SYNE1: variants seen among roughly 807,000 people sequenced by gnomAD.
SYNE1 encodes the protein spectrin repeat containing nuclear envelope protein 1, also known as nesprin-1.
Under a neutral mutation model 1,111.0 loss-of-function variants are expected in SYNE1, and 616 were observed. The ratio of observed to expected loss-of-function variants is 0.55; its 90% CI spans 0.52 to 0.59. The LOEUF (loss-of-function observed/expected upper bound fraction) is 0.59. Among genes scored for constraint, SYNE1 ranks in the 20% least tolerant of loss-of-function variants. SYNE1 has a pLI of 0.00. For synonymous variants in SYNE1, 3,855 were observed against 3,825.8 expected, an observed-to-expected ratio of 1.01 and a Z score of -0.28; for missense variants, 10,006 against 10,417.0, an observed-to-expected ratio of 0.96 and a Z score of 1.72.
At chr6:152,272,375 T>C (rs1452653703) in intron 98 of SYNE1, among the ~76,000 whole-genome samples, 1 of 152,246 alleles carries the variant, frequency 6.6e-6, no homozygotes, top group Non-Finnish European at 1.5e-5. Flanking sequence ...TGGGGCTACA[T>C]AAACTTTATT....
chr6:152,231,545 C>T lies in SYNE1; in HGVS notation c.20885G>A (p.Cys6962Tyr), dbSNP rs779374292. 1 of 1,613,934 alleles carries T rather than the reference C, an allele frequency of 6.2e-7. No individual in the cohort carries two copies. The change falls in exon 114 of 146, where the codon TGT becomes TAT. Residue 6962 changes from cysteine to tyrosine, a missense_variant. Physicochemically the swap from Cys to Tyr is radical, Grantham distance 194 (BLOSUM62 -2). This residue lies in a region of SYNE1 where 2,182 missense variants were observed against 2,287.8 expected (regional missense o/e 0.95). Transcript: ENST00000367255. ...KYKGFKIDIN[C>Y]KQLTVDFVNQ... Reference sequence around the variant, plus strand: ...CACAAAATCCACTGTCAGCTGTTTACAGTTAATGTCTATCTTAAAACCCTA... The same window carrying T: ...CACAAAATCCACTGTCAGCTGTTTATAGTTAATGTCTATCTTAAAACCCTA...
Position 152,193,808 on chromosome 6 carries a change from G to A in SYNE1, c.23146-4401C>T, listed in dbSNP as rs914298968. 4.0e-5 allele frequency among the ~76,000 whole-genome samples: 6 copies of A among 151,830 alleles called. No individual in the cohort carries two copies. In the East Asian group the frequency reaches 5.8e-4, roughly 15 times the overall value. On this transcript the variant is annotated intron_variant, in intron 127 of 145. Coordinates refer to ENST00000367255, the MANE Select transcript of SYNE1 (RefSeq NM_182961.4). ...GGGCAGATCATGAGGTTAGGAGATC[G>A]AAACCATCCTGACTAACACGGTGAA...
intron 48 of SYNE1, among the ~76,000 whole-genome samples, 176 bp downstream of exon 48, chr6:152,399,440 A>G (rs554602630): frequency 6.6e-6 from 1 of 152,344 alleles, no homozygotes; most frequent in African/African-American, 2.4e-5. Flanking sequence ...AAAATTCTGC[A>G]TAGGGTGAGA....
At chr6:152,423,745 C>T (rs1488046176) in intron 39 of SYNE1, among the ~76,000 whole-genome samples, 1 of 152,222 alleles carries the variant, frequency 6.6e-6, no homozygotes, top group African/African-American at 2.4e-5. Flanking sequence ...TCTCTGGTCT[C>T]ATCTGACACA....
chr6:152,232,019 C>G, intron 113 of SYNE1, 97 bp downstream of exon 113: 2 of 917,096 alleles, frequency 2.2e-6, no homozygotes, highest in East Asian at 5.0e-5. Flanking sequence ...AGGAAACATA[C>G]ATTCCAAGAC....
At chr6:152,139,754 GA>G (rs1353420488) in intron 140 of SYNE1, among the ~76,000 whole-genome samples, 195 bp downstream of exon 140, 4 of 71,426 alleles carry the variant, frequency 5.6e-5, no homozygotes, top group Non-Finnish European at 1.2e-4. Flanking sequence ...AGAAAGAAAA[GA>G]AAAAAAAGAA....
At chr6:152,290,077 G>GA (rs1162388037) in intron 95 of SYNE1, among the ~76,000 whole-genome samples, 1 of 151,996 alleles carries the variant, frequency 6.6e-6, no homozygotes, top group Admixed American at 6.6e-5. Context: ...TTACATATAT[G>GA]AAAAAACAAA....
chr6:152,318,016 A>G, intron 86 of SYNE1, 65 bp downstream of exon 86: 1 of 1,593,902 alleles, frequency 6.3e-7, no homozygotes, highest in South Asian at 1.1e-5. Flanking sequence ...TATTTTCAAA[A>G]GAGAAAAGCA....
chr6:152,453,131 A>T (rs984697861), intron 25 of SYNE1, among the ~76,000 whole-genome samples: 4 of 152,158 alleles, frequency 2.6e-5, no homozygotes, highest in African/African-American at 9.7e-5. Context: ...TTTGTTCATC[A>T]TTGAATTCTT....
rs1339240009 is a variant in SYNE1, at chr6:152,224,521, A to G, written c.21495T>C (p.Ala7165=). 1 of 1,613,970 alleles carries G rather than the reference A, an allele frequency of 6.2e-7. No homozygotes were observed. Among genetic ancestry groups the G allele is most frequent in the Non-Finnish European group, 8.5e-7 (1 of 1,179,964 alleles). The change falls in exon 117 of 146, where the codon GCT becomes GCC. Residue 7165 remains alanine (A), a synonymous_variant. Transcript: ENST00000367255. ...RFRLLTGSLE[A]VQVQVDNLQN... ...GAAGATTGTCCACCTGAACTTGCAC[A>G]GCTTCTAAGGAGCCAGTCAGCAGAC...
chr6:152,357,802 T>C (rs2096863083), intron 66 of SYNE1, among the ~76,000 whole-genome samples: 2 of 152,156 alleles, frequency 1.3e-5, no homozygotes, highest in Admixed American at 6.5e-5. Flanking sequence ...AATGAGTAAA[T>C]AAGTATATAG....
In SYNE1 at chr6:152,332,465, T is replaced by C. The variant is rs548312921; in HGVS notation, c.12795-575A>G. 3.3e-5 allele frequency among the ~76,000 whole-genome samples: 5 copies of C among 152,380 alleles called. No individual in the cohort carries two copies. The East Asian group carries it at 5.8e-4, about 18-fold the overall frequency. ...AATGCCTTCCAATCAAATCAGAATATGCTTTTATCTTCCTCTGGCTCTTAT... is the reference window on the plus strand; with the variant it reads ...AATGCCTTCCAATCAAATCAGAATACGCTTTTATCTTCCTCTGGCTCTTAT... On this transcript the variant is annotated intron_variant, in intron 77 of 145. Transcript: ENST00000367255.
intron 63 of SYNE1, chr6:152,363,878 C>A: frequency 2.6e-6 from 1 of 389,414 alleles, no homozygotes; most frequent in South Asian, 1.9e-5. Flanking sequence ...ACACTGTATA[C>A]CAGCTCCCAG....
intron 3 of SYNE1, among the ~76,000 whole-genome samples, chr6:152,563,015 G>A (rs919293016): frequency 1.3e-5 from 2 of 151,614 alleles, no homozygotes; most frequent in African/African-American, 2.4e-5. Flanking sequence ...CTTTTGGTAC[G>A]AAGTATTTCA....
intron 11 of SYNE1, 29 bp downstream of exon 11, chr6:152,498,713 T>A: frequency 6.7e-7 from 1 of 1,486,396 alleles, no homozygotes; most frequent in Non-Finnish European, 9.2e-7. Flanking sequence ...TTGAAAGAGG[T>A]CATCAATGCA....
At chr6:152,583,573 G>A (rs376262581) in intron 3 of SYNE1, among the ~76,000 whole-genome samples, 28 of 152,254 alleles carry the variant, frequency 1.8e-4, no homozygotes, top group African/African-American at 6.7e-4. Context: ...AACAGAAGAC[G>A]CCTTACTTCC....
intron 67 of SYNE1, among the ~76,000 whole-genome samples, chr6:152,354,275 G>T (rs1416188149): frequency 1.3e-5 from 2 of 152,218 alleles, no homozygotes; most frequent in African/African-American, 4.8e-5. Context: ...TATTTTAGAT[G>T]TGTGCACTAA....
In SYNE1 at chr6:152,628,923, C is replaced by T. The variant is rs576679820; in HGVS notation, c.-223-369G>A. 3.9e-5 allele frequency among the ~76,000 whole-genome samples: 6 copies of T among 152,296 alleles called. No individual in the cohort carries two copies. In the South Asian group the frequency reaches 1.0e-3, roughly 26 times the overall value. ...CAATATGCACGGGTTCTCTAGTCTGCTAATTTAGCCTGCTTTGCACATGTT... is the reference window on the plus strand; with the variant it reads ...CAATATGCACGGGTTCTCTAGTCTGTTAATTTAGCCTGCTTTGCACATGTT... On this transcript the variant is annotated intron_variant, in intron 2 of 145. Coordinates refer to ENST00000367255, the MANE Select transcript of SYNE1 (RefSeq NM_182961.4).
At chr6:152,323,288 A>G (rs2095933906) in intron 82 of SYNE1, among the ~76,000 whole-genome samples, 190 bp downstream of exon 82, 1 of 152,196 alleles carries the variant, frequency 6.6e-6, no homozygotes, top group African/African-American at 2.4e-5. Flanking sequence ...AATACAAAAA[A>G]TTAGCCGGGC....
Sources: gnomAD v4.1 joint callset for allele counts (sites outside exome capture counted in the v4.1 genomes callset) on GRCh38, gnomAD v4.1.1 for gene constraint, gnomAD v4.1.1 regional missense constraint, MANE v1.5 for transcripts, NCBI Gene and HGNC (gene_info 2026-07-23, HGNC 2026-07-21) for gene names.